The following ZNF74 variants were observed in gnomAD, a reference collection of about 807,000 sequenced individuals.
The protein encoded by ZNF74 is zinc finger protein 520.
ZNF74 carries 12 observed loss-of-function variants against 17.7 expected under a neutral mutation model. The observed-to-expected ratio is 0.68, with a 90% CI of 0.43 to 1.10. ZNF74 has a LOEUF of 1.10. ZNF74 is among the 50% of genes least tolerant of loss of function. ZNF74 has a pLI of 0.00. For synonymous variants in ZNF74, 358 were observed against 362.1 expected, an observed-to-expected ratio of 0.99 and a Z score of 0.13; for missense variants, 811 against 881.0, an observed-to-expected ratio of 0.92 and a Z score of 1.01.
intron 2 of ZNF74, among the ~76,000 whole-genome samples, chr22:20,398,827 A>G (rs1392135484): frequency 3.3e-5 from 5 of 152,148 alleles, no homozygotes; most frequent in African/African-American, 1.2e-4. Context: ...ATTTCTAAGC[A>G]CTGCCTCAAC....
chr22:20,405,800 C>G lies in ZNF74; in HGVS notation c.767C>G (p.Ala256Gly), dbSNP rs748101506. Residue 256 changes from alanine (A) to glycine (G), a missense_variant, in exon 5 of 5, where the codon GCG becomes GGG. By Grantham distance (60) the Ala-to-Gly change is moderately conservative. Transcript: ENST00000400451. ...GEFVCGECGKAFRQSSSLTLH... is the reference protein window; with the variant it reads ...GEFVCGECGKGFRQSSSLTLH... Reference sequence around the variant, plus strand: ...TTCGTGTGCGGCGAGTGCGGGAAGGCGTTCCGCCAGAGCTCCTCCCTCACG... The same window carrying G: ...TTCGTGTGCGGCGAGTGCGGGAAGGGGTTCCGCCAGAGCTCCTCCCTCACG... The G allele has an allele frequency of 3.9e-5, 63 of 1,612,264 alleles. No individual in the cohort carries two copies. The highest frequency in any genetic ancestry group is 8.5e-7 in the Non-Finnish European group (1 of 1,179,644).
rs530806781 is a variant in ZNF74 at position 20,395,352 on chromosome 22, T to C, written c.54T>C (p.Pro18=). The C allele has an allele frequency of 1.2e-4, 190 of 1,603,590 alleles. 1 individual carries two copies. In the South Asian group the frequency reaches 1.7e-3, roughly 15 times the overall value. The part of the protein sequence containing the change: ...PEKTALSSQD[P]ALSLKENLED... ...CGCCAGCTCTTTCCTCTCAGGATCC[T>C]GCTCTTTCCCTGAAAGAGAATCTCG... Residue 18 remains proline, a synonymous_variant, in exon 2 of 5, where the codon CCT becomes CCC. Coordinates refer to ENST00000400451, the MANE Select transcript of ZNF74 (RefSeq NM_003426.4).
chr22:20,394,761 C>CTTTTT (rs112010963), intron 1 of ZNF74, 99 bp downstream of exon 1: 3 of 910,070 alleles, frequency 3.3e-6, no homozygotes, highest in Non-Finnish European at 3.3e-6. Flanking sequence ...CATCCAGCAT[C>CTTTTT]TTTTTTTTTT....
In ZNF74 at chr22:20,404,847, G is replaced by A. The variant is rs150438307; in HGVS notation, c.344-530G>A. The stretch of plus-strand genomic sequence containing the variant: ...CCTAGCTACTCGGGAGGCTGAGGCC[G>A]GAGAATGGCGTGAACCTGGGAGGCG... On this transcript the variant is annotated intron_variant, in intron 4 of 4. Transcript: ENST00000400451. Among the ~76,000 whole-genome samples the A allele has an allele frequency of 7.2e-3, 1,093 of 152,310 alleles. 12 individuals carry two copies. The highest frequency in any genetic ancestry group is 0.025 in the African/African-American group (1,029 of 41,558).
Position 20,400,659 on chromosome 22 carries a change from G to T in ZNF74, c.148G>T (p.Val50Leu). 2 of 1,614,196 alleles carry T rather than the reference G, an allele frequency of 1.2e-6. No homozygotes were observed. The highest frequency in any genetic ancestry group is 1.7e-6 in the Non-Finnish European group (2 of 1,180,024). Residue 50 changes from valine to leucine, a missense_variant, in exon 3 of 5, where the codon GTG becomes TTG. This residue lies in a region of ZNF74 where 666 missense variants were observed against 702.3 expected (regional missense o/e 0.95). Transcript: ENST00000400451. ...ATCGGTGAGTTTCAAGGATGTGGCT[G>T]TGGACTTCACCCAGGAGGAGTGGGG... The part of the protein sequence containing the change: ...KESVSFKDVA[V>L]DFTQEEWGQL...
rs763944730 is a variant in ZNF74, at chr22:20,400,063, G to C, written c.121-569G>C. 1.3e-5 allele frequency: 2 copies of C among 158,336 alleles called. 1 individual carries two copies. Among genetic ancestry groups the C allele is most frequent in the South Asian group, 3.6e-4 (2 of 5,534 alleles). The allele number at this position is 158,336 out of a possible 1,614,324, so 9.8% of individuals were successfully genotyped here. The stretch of plus-strand genomic sequence containing the variant: ...GTGGCCAGGATGCCCAGGCCCAGGG[G>C]GAGCAGGCAGGAAGGATTGGAAGGC... On this transcript the variant is annotated intron_variant, in intron 2 of 4. Transcript: ENST00000400451.
chr22:20,394,721 C>A, intron 1 of ZNF74, 59 bp downstream of exon 1: 1 of 1,531,954 alleles, frequency 6.5e-7, no homozygotes, highest in Non-Finnish European at 9.0e-7. Flanking sequence ...GATATTGACA[C>A]TCAGAGAGAT....
chr22:20,403,270 C>T (rs2052378852), intron 4 of ZNF74, among the ~76,000 whole-genome samples: 1 of 151,040 alleles, frequency 6.6e-6, no homozygotes, highest in Non-Finnish European at 1.5e-5. Flanking sequence ...CCCTGTGTCA[C>T]TGACCATCTC....
Position 20,405,973 on chromosome 22 carries a change from A to G in ZNF74, c.940A>G (p.Ser314Gly), listed in dbSNP as rs1248626150. 1 of 1,613,576 alleles carries G rather than the reference A, an allele frequency of 6.2e-7. No homozygotes were observed. The highest frequency in any genetic ancestry group is 8.5e-7 in the Non-Finnish European group (1 of 1,179,938). ...CTGCGGCGAGTGCGGGAAGGCCTTC[A>G]GCTGCCACTCGTCCCTCAACGTGCA... ...FFCGECGKAFSCHSSLNVHQR... is the reference protein window; with the variant it reads ...FFCGECGKAFGCHSSLNVHQR... The change falls in exon 5 of 5, where the codon AGC becomes GGC. Residue 314 changes from serine (S) to glycine (G), a missense_variant. This residue lies in a region of ZNF74 where 666 missense variants were observed against 702.3 expected (regional missense o/e 0.95). Coordinates refer to ENST00000400451, the MANE Select transcript of ZNF74 (RefSeq NM_003426.4).
In ZNF74 at chr22:20,394,327, G is replaced by A. The variant is rs565895761; in HGVS notation, c.-302G>A. 119 of 697,258 alleles carry A rather than the reference G, an allele frequency of 1.7e-4. 1 individual carries two copies. The highest frequency in any genetic ancestry group is 1.6e-3 in the South Asian group (109 of 66,606). The allele number at this position is 697,258 out of a possible 1,614,324, so 43.2% of individuals were successfully genotyped here. On this transcript the variant is annotated 5_prime_UTR_variant, in exon 1 of 5. Coordinates refer to ENST00000400451, the MANE Select transcript of ZNF74 (RefSeq NM_003426.4). The stretch of plus-strand genomic sequence containing the variant: ...AACCTTAGGCCTGGCCCTGGTCTCC[G>A]AGCGCGGGTTCGCCGGGAGGAGCGT...
chr22:20,404,649 AC>A (rs1405375794), intron 4 of ZNF74, among the ~76,000 whole-genome samples: 4 of 152,148 alleles, frequency 2.6e-5, no homozygotes, highest in African/African-American at 9.7e-5. Context: ...GCAGGAAGTT[AC>A]ATCTTGGACT....
chr22:20,405,540 C>T lies in ZNF74; in HGVS notation c.507C>T (p.Ala169=), dbSNP rs775577619. 7 of 1,604,866 alleles carry T rather than the reference C, an allele frequency of 4.4e-6. No homozygotes were observed. The Admixed American group carries it at 1.2e-4, about 28-fold the overall frequency. The change falls in exon 5 of 5, where the codon GCC becomes GCT. Residue 169 remains alanine (A), a synonymous_variant. Transcript: ENST00000400451. Reference sequence around the variant, plus strand: ...CTGCGCCCTGGGCGCCCGCACCTGCCATGGTCTGGGACGTCCCTGTAGAGG... The same window carrying T: ...CTGCGCCCTGGGCGCCCGCACCTGCTATGGTCTGGGACGTCCCTGTAGAGG... The part of the protein sequence containing the change: ...SQAAPWAPAP[A]MVWDVPVEEF...
chr22:20,399,283 C>A (rs1264471828), intron 2 of ZNF74, among the ~76,000 whole-genome samples: 3 of 151,878 alleles, frequency 2.0e-5, no homozygotes, highest in Non-Finnish European at 2.9e-5. Flanking sequence ...GCTATGAGTT[C>A]TTAATGAATT....
At chr22:20,404,501 A>G (rs1253554185) in intron 4 of ZNF74, among the ~76,000 whole-genome samples, 1 of 151,694 alleles carries the variant, frequency 6.6e-6, no homozygotes, top group Non-Finnish European at 1.5e-5. Flanking sequence ...CTAATTTTGT[A>G]TTTTTTGTAG....
chr22:20,399,756 C>G (rs926660224), intron 2 of ZNF74: 4 of 212,930 alleles, frequency 1.9e-5, no homozygotes, highest in Non-Finnish European at 3.9e-5. Context: ...CCCGGCCTTG[C>G]TATTAGTTTT....
At chr22:20,394,722 T>C in intron 1 of ZNF74, 60 bp downstream of exon 1, 3 of 1,522,288 alleles carry the variant, frequency 2.0e-6, no homozygotes, top group Non-Finnish European at 2.7e-6. Context: ...ATATTGACAC[T>C]CAGAGAGATC....
rs2052416910 is a variant in ZNF74 at position 20,405,942 on chromosome 22, C to T, written c.909C>T (p.Pro303=). The T allele has an allele frequency of 1.2e-6, 2 of 1,613,160 alleles. No homozygotes were observed. Among genetic ancestry groups the T allele is most frequent in the African/African-American group, 1.3e-5 (1 of 74,732 alleles). The change falls in exon 5 of 5, where the codon CCC becomes CCT. Residue 303 remains proline, a synonymous_variant. Coordinates refer to ENST00000400451, the MANE Select transcript of ZNF74 (RefSeq NM_003426.4). ...GGCGCATCCACACCGGCGAGAAGCC[C>T]TTCTTCTGCGGCGAGTGCGGGAAGG... is the stretch of plus-strand genomic sequence containing the variant. ...EHRRIHTGEK[P]FFCGECGKAF...
At chr22:20,404,403 C>G (rs989795269) in intron 4 of ZNF74, among the ~76,000 whole-genome samples, 2 of 152,040 alleles carry the variant, frequency 1.3e-5, no homozygotes, top group South Asian at 2.1e-4. Context: ...GATCATAGCT[C>G]GAAGCCTCAA....
rs771859769 is a variant in ZNF74 at position 20,405,755 on chromosome 22, C to A, written c.722C>A (p.Ala241Glu). The A allele has an allele frequency of 2.5e-6, 4 of 1,604,934 alleles. No homozygotes were observed. The highest frequency in any genetic ancestry group is 3.4e-6 in the Non-Finnish European group (4 of 1,176,310). ...KFPQVRRQRG[A>E]GAGEGEFVCG... ...CCCCAGGTGCGCCGGCAGCGCGGGG[C>A]GGGCGCCGGGGAGGGCGAGTTCGTG... is the stretch of plus-strand genomic sequence containing the variant. Residue 241 changes from alanine to glutamate, a missense_variant, in exon 5 of 5, where the codon GCG becomes GAG. By Grantham distance (107) the Ala-to-Glu change is moderately radical. Around this residue, in one of 3 missense-constraint regions of ZNF74, gnomAD observed 666 missense variants for 702.3 expected, o/e 0.95. Transcript: ENST00000400451.
Sources: gnomAD v4.1 joint callset for allele counts (sites outside exome capture counted in the v4.1 genomes callset) on GRCh38, gnomAD v4.1.1 for gene constraint, gnomAD v4.1.1 regional missense constraint, MANE v1.5 for transcripts, NCBI Gene and HGNC (gene_info 2026-07-23, HGNC 2026-07-21) for gene names.